Variants in LIPC observed in about 807,000 individuals in gnomAD.
LIPC encodes hepatic triacylglycerol lipase.
Under a neutral mutation model 50.7 loss-of-function variants are expected in LIPC, and 44 were observed. That is an observed-to-expected ratio of 0.87 (90% CI 0.68 to 1.11). LIPC has a LOEUF of 1.11. LIPC is among the 50% of genes most tolerant of loss of function. The pLI, the probability that LIPC is intolerant of heterozygous loss-of-function variation, is 0.00. For missense variants in LIPC, 697 were observed against 648.2 expected (o/e 1.08, Z -0.82); for synonymous variants, 271 against 256.4 (o/e 1.06, Z -0.54).
At chr15:58,553,887 C>T (rs1256409984) in intron 6 of LIPC, among the ~76,000 whole-genome samples, 1 of 152,140 alleles carries the variant, frequency 6.6e-6, no homozygotes, top group Non-Finnish European at 1.5e-5. Context: ...TCTTCAGCTT[C>T]CCTCTGAGTT....
At chr15:58,459,206 C>A (rs1321146709) in intron 1 of LIPC, among the ~76,000 whole-genome samples, 1 of 152,258 alleles carries the variant, frequency 6.6e-6, no homozygotes, top group East Asian at 1.9e-4. Context: ...TCCCTCACTG[C>A]AAGACGACCT....
At chr15:58,523,701 T>G (rs982673577) in intron 1 of LIPC, among the ~76,000 whole-genome samples, 1 of 152,164 alleles carries the variant, frequency 6.6e-6, no homozygotes, top group Non-Finnish European at 1.5e-5. Flanking sequence ...GGAGGATCAC[T>G]TGAGGCCAGG....
chr15:58,439,936 G>C, intron 1 of LIPC, among the ~76,000 whole-genome samples: 1 of 151,974 alleles, frequency 6.6e-6, no homozygotes, highest in Non-Finnish European at 1.5e-5. Context: ...AGGCTAGGGT[G>C]CTTCCTACAG....
intron 1 of LIPC, among the ~76,000 whole-genome samples, chr15:58,458,362 C>T (rs1894213054): frequency 6.6e-6 from 1 of 152,194 alleles, no homozygotes; most frequent in South Asian, 2.1e-4. Flanking sequence ...CCTCCCCCAC[C>T]ACGTCCTTCT....
chr15:58,510,579 C>T (rs1478592556), intron 1 of LIPC, among the ~76,000 whole-genome samples: 3 of 152,182 alleles, frequency 2.0e-5, no homozygotes, highest in Non-Finnish European at 4.4e-5. Context: ...AAGAGGATTG[C>T]CCATCAGGCT....
chr15:58,440,878 G>A (rs1481706491), intron 1 of LIPC, among the ~76,000 whole-genome samples: 1 of 152,106 alleles, frequency 6.6e-6, no homozygotes, highest in African/African-American at 2.4e-5. Context: ...AGTGAAGTTG[G>A]GAATTCTTGA....
At chr15:58,491,289 A>G (rs571586273) in intron 1 of LIPC, among the ~76,000 whole-genome samples, 4 of 152,170 alleles carry the variant, frequency 2.6e-5, no homozygotes, top group Non-Finnish European at 5.9e-5. Flanking sequence ...GAGTGGTCAG[A>G]GCATGGGAAT....
intron 1 of LIPC, among the ~76,000 whole-genome samples, chr15:58,461,514 T>C (rs1348138063): frequency 6.6e-6 from 1 of 152,130 alleles, no homozygotes; most frequent in Admixed American, 6.5e-5. Flanking sequence ...GTTCAAGCGA[T>C]TCTCCTGCCT....
intron 6 of LIPC, among the ~76,000 whole-genome samples, chr15:58,551,460 C>T (rs1212410124): frequency 2.6e-5 from 4 of 152,220 alleles, no homozygotes; most frequent in African/African-American, 9.6e-5. Context: ...TTGTCAGTTA[C>T]ACAAGCCACC....
At chr15:58,493,419 C>G (rs1420178156) in intron 1 of LIPC, among the ~76,000 whole-genome samples, 1 of 151,978 alleles carries the variant, frequency 6.6e-6, no homozygotes, top group Non-Finnish European at 1.5e-5. Context: ...CTGGCCCACA[C>G]CCGAGTTTGG....
chr15:58,434,748 C>G (rs1296808804), intron 1 of LIPC: 1 of 82,134 alleles, frequency 1.2e-5, no homozygotes, highest in South Asian at 4.1e-4. Context: ...GTTCCCCAGT[C>G]GGTGTTGCCA....
intron 1 of LIPC, among the ~76,000 whole-genome samples, chr15:58,448,613 G>A (rs1459319639): frequency 6.6e-6 from 1 of 152,252 alleles, no homozygotes; most frequent in East Asian, 1.9e-4. Flanking sequence ...AGGCCGGCAG[G>A]CCTAAGTGGG....
chr15:58,432,702 T>G (rs1373744212), intron 1 of LIPC, among the ~76,000 whole-genome samples: 5 of 152,228 alleles, frequency 3.3e-5, no homozygotes, highest in Admixed American at 3.3e-4. Flanking sequence ...ACTAGATTGA[T>G]GGCGAAAGAC....
chr15:58,526,029 G>A (rs1371613636), intron 1 of LIPC, among the ~76,000 whole-genome samples: 4 of 152,112 alleles, frequency 2.6e-5, no homozygotes, highest in African/African-American at 9.7e-5. Flanking sequence ...GCTCATTAGC[G>A]GCAGAGCCAA....
Position 58,560,993 on chromosome 15 carries a change from G to A in LIPC, c.1169+12G>A, listed in dbSNP as rs1894141310. On this transcript the variant is annotated intron_variant, in intron 7 of 8. Coordinates refer to ENST00000299022, the MANE Select transcript of LIPC (RefSeq NM_000236.3). ...ATTCCCATCACTCTGTGAGTAGGAG[G>A]TGTAGCCCCCTAGGGTGATGACACA... 3 of 1,160,134 alleles carry A rather than the reference G, an allele frequency of 2.6e-6. No homozygotes were observed. Among genetic ancestry groups the A allele is most frequent in the South Asian group, 1.2e-5 (1 of 80,618 alleles). 71.9% of individuals were successfully genotyped at this position (1,160,134 alleles called of 1,614,324 possible).
chr15:58,434,521 T>C (rs146635159), intron 1 of LIPC, among the ~76,000 whole-genome samples: 1 of 152,312 alleles, frequency 6.6e-6, no homozygotes, highest in Non-Finnish European at 1.5e-5. Context: ...AGCCTCAATC[T>C]GTCTACTGAG....
chr15:58,491,593 C>A (rs1449615518), intron 1 of LIPC, among the ~76,000 whole-genome samples: 1 of 152,200 alleles, frequency 6.6e-6, no homozygotes, highest in Non-Finnish European at 1.5e-5. Flanking sequence ...TAAATGATAT[C>A]TCTGCCAAAT....
chr15:58,442,884 C>G (rs778379617), intron 1 of LIPC, among the ~76,000 whole-genome samples: 1 of 152,192 alleles, frequency 6.6e-6, no homozygotes, highest in Non-Finnish European at 1.5e-5. Flanking sequence ...ACATGGGTAT[C>G]TGAGCCTTCA....
At chr15:58,567,323 GTA>G (rs1172336213) in intron 8 of LIPC, among the ~76,000 whole-genome samples, 407 of 31,276 alleles carry the variant, frequency 0.013, 5 homozygotes, top group African/African-American at 0.051. Flanking sequence ...ATGTATATGT[GTA>G]TATATATATA....
Sources: gnomAD v4.1 joint callset for allele counts (sites outside exome capture counted in the v4.1 genomes callset) on GRCh38, gnomAD v4.1.1 for gene constraint, MANE v1.5 for transcripts, NCBI Gene and HGNC (gene_info 2026-07-23, HGNC 2026-07-21) for gene names.